The following HTR3A variants were observed in gnomAD, a reference collection of about 807,000 sequenced individuals.
HTR3A encodes 5-hydroxytryptamine receptor 3A, also known as 5-hydroxytryptamine (serotonin) receptor 3A, ionotropic.
In HTR3A, 45 loss-of-function variants were observed where a neutral mutation model predicts 54.8. The ratio of observed to expected loss-of-function variants is 0.82; its 90% CI spans 0.65 to 1.05. HTR3A has a LOEUF of 1.05. Among genes scored for constraint, HTR3A ranks in the 50% least tolerant of loss-of-function variants. HTR3A has a pLI of 0.00. For missense variants in HTR3A, 657 were observed against 614.0 expected, an observed-to-expected ratio of 1.07 and a Z score of -0.74; for synonymous variants, 297 against 256.0, an observed-to-expected ratio of 1.16 and a Z score of -1.53.
In HTR3A at chr11:113,975,345, A is replaced by G. The variant is rs750326169; in HGVS notation, c.20A>G (p.Gln7Arg). MLLWVQ[Q>R]ALLALLLPTL... ...CTCGCTATGCTGCTGTGGGTCCAGC[A>G]GGCGCTGCTCGCCTTGCTCCTCCCC... Residue 7 changes from glutamine to arginine, a missense_variant, in exon 1 of 9, where the codon CAG (glutamine) becomes CGG (arginine). Physicochemically the swap from Gln to Arg is conservative, Grantham distance 43. Coordinates refer to ENST00000504030, the MANE Select transcript of HTR3A (RefSeq NM_000869.6). 6.2e-7 allele frequency: 1 copy of G among 1,613,474 alleles called. No homozygotes were observed. Among genetic ancestry groups the G allele is most frequent in the Non-Finnish European group, 8.5e-7 (1 of 1,180,018 alleles).
chr11:113,976,564 A>G (rs1950352827), intron 1 of HTR3A, among the ~76,000 whole-genome samples: 1 of 104,868 alleles, frequency 9.5e-6, no homozygotes, highest in African/African-American at 3.4e-5. Flanking sequence ...GACACTTAAA[A>G]AATAGTTTGT....
intron 8 of HTR3A, among the ~76,000 whole-genome samples, chr11:113,988,831 T>C (rs1950520864): frequency 6.6e-6 from 1 of 152,160 alleles, no homozygotes; most frequent in African/African-American, 2.4e-5. Flanking sequence ...CTGCCTCTTT[T>C]GTGAGGCTAT....
At chr11:113,979,165 G>T (rs1950390661) in intron 2 of HTR3A, 68 bp from the exon 3 acceptor site, 3 of 1,204,892 alleles carry the variant, frequency 2.5e-6, no homozygotes, top group South Asian at 2.4e-5. Context: ...CTCCTTTAGG[G>T]GCTGGCATGT....
chr11:113,981,266 A>T lies in HTR3A; in HGVS notation c.328A>T (p.Ile110Phe). 1 of 1,613,934 alleles carries T rather than the reference A, an allele frequency of 6.2e-7. No homozygotes were observed. The highest frequency in any genetic ancestry group is 8.5e-7 in the Non-Finnish European group (1 of 1,179,774). The change falls in exon 4 of 9, where the codon ATC becomes TTC. Residue 110 changes from isoleucine (I) to phenylalanine (F), a missense_variant. By Grantham distance (21) the Ile-to-Phe change is conservative (BLOSUM62 0). Coordinates refer to ENST00000504030, the MANE Select transcript of HTR3A (RefSeq NM_000869.6). The part of the protein sequence containing the change: ...EDFDNITKLS[I>F]PTDSIWVPDI... ...CTTTGACAACATCACCAAGTTGTCC[A>T]TCCCCACGGACAGCATCTGGGTCCC...
chr11:113,979,580 A>G (rs1950396824), intron 3 of HTR3A, among the ~76,000 whole-genome samples: 1 of 152,306 alleles, frequency 6.6e-6, no homozygotes, highest in Admixed American at 6.5e-5. Context: ...CTTCACTCTC[A>G]GCCAGCTCTG....
In HTR3A at chr11:113,989,785, AG is replaced by A. The variant is rs3832782; in HGVS notation, c.*27del. On this transcript the variant is annotated 3_prime_UTR_variant, in exon 9 of 9. Transcript: ENST00000504030. This position sits in a 1 kb window ranked among gnomAD's most constrained non-coding sequence, Gnocchi z 4.4. Reference sequence around the variant, plus strand: ...TTGAGTGGGTACAGCCCAGTGGAGGAGGGGGTACAGTCCTGGTTAGGTGGGG... The same window carrying A: ...TTGAGTGGGTACAGCCCAGTGGAGGAGGGGTACAGTCCTGGTTAGGTGGGG... The A allele has an allele frequency of 1.4e-4, 232 of 1,604,148 alleles. 2 individuals are homozygous for A. The East Asian group carries it at 5.0e-3, about 35-fold the overall frequency.
chr11:113,980,045 G>A (rs892034486), intron 3 of HTR3A, among the ~76,000 whole-genome samples: 1 of 152,204 alleles, frequency 6.6e-6, no homozygotes, highest in African/African-American at 2.4e-5. Context: ...GCGTGGGGTA[G>A]AGGAAGAAGC....
At position 113,990,034 on chromosome 11, in the gene HTR3A, A is replaced by G. The variant is rs1950533943; in HGVS notation, c.*271A>G. ...TTAAAACATGCTGTCTTAGATCAGG[A>G]GAAACTCGGGCACTCCCTAAGTCCA... On this transcript the variant is annotated 3_prime_UTR_variant, in exon 9 of 9. Coordinates refer to ENST00000504030, the MANE Select transcript of HTR3A (RefSeq NM_000869.6). 2 of 620,432 alleles carry G rather than the reference A, an allele frequency of 3.2e-6. No homozygotes were observed. The highest frequency in any genetic ancestry group is 3.4e-5 in the East Asian group (1 of 29,314). 38.4% of individuals were successfully genotyped at this position (620,432 alleles called of 1,614,324 possible). A position where few individuals can be genotyped will look rare whatever the true frequency, so the allele number is the denominator to read the frequency against.
Position 113,975,283 on chromosome 11 carries a change from G to T in HTR3A, c.-43G>T, listed in dbSNP as rs576644184. On this transcript the variant is annotated 5_prime_UTR_variant, in exon 1 of 9. Transcript: ENST00000504030. ...GGCAAGCTGGCCCTTGGTGGGCCTC[G>T]TCCTGAGCACTCGGAGGCACTCCTA... 1.9e-6 allele frequency: 3 copies of T among 1,607,658 alleles called. No homozygotes were observed. Among genetic ancestry groups the T allele is most frequent in the Non-Finnish European group, 2.5e-6 (3 of 1,176,526 alleles).
Position 113,986,891 on chromosome 11 carries a change from G to T in HTR3A, c.983G>T (p.Arg328Leu), listed in dbSNP as rs540212344. 1 of 1,614,124 alleles carries T rather than the reference G, an allele frequency of 6.2e-7. No homozygotes were observed. Among genetic ancestry groups the T allele is most frequent in the Admixed American group, 1.7e-5 (1 of 60,014 alleles). Reference protein sequence around the residue: ...ISLAETIFIVRLVHKQDLQQP... With the variant: ...ISLAETIFIVLLVHKQDLQQP... ...TTGGCCGAGACCATCTTCATTGTGC[G>T]GCTGGTGCACAAGCAAGACCTGCAG... The change falls in exon 8 of 9, where the codon CGG becomes CTG. Residue 328 changes from arginine (R) to leucine (L), a missense_variant. Coordinates refer to ENST00000504030, the MANE Select transcript of HTR3A (RefSeq NM_000869.6).
At chr11:113,980,653 T>C (rs1050995661) in intron 3 of HTR3A, among the ~76,000 whole-genome samples, 1 of 152,198 alleles carries the variant, frequency 6.6e-6, no homozygotes, top group East Asian at 1.9e-4. Context: ...AATATGAGGC[T>C]AGAGGGATAG....
chr11:113,983,178 G>A lies in HTR3A; in HGVS notation c.433G>A (p.Val145Ile). ...PYVYIRHQGE[V>I]QNYKPLQVVT... is the part of the protein sequence containing the mutation. Reference sequence around the variant, plus strand: ...CGTGTATATTCGGCATCAAGGCGAAGTTCAGAACTACAAGCCCCTTCAGGT... The same window carrying A: ...CGTGTATATTCGGCATCAAGGCGAAATTCAGAACTACAAGCCCCTTCAGGT... Residue 145 changes from valine (V) to isoleucine (I), a missense_variant, in exon 5 of 9, where the codon GTT becomes ATT. Val to Ile is a conservative substitution (Grantham distance 29). Transcript: ENST00000504030. The A allele has an allele frequency of 1.9e-6, 3 of 1,614,220 alleles. No homozygotes were observed. The highest frequency in any genetic ancestry group is 2.5e-6 in the Non-Finnish European group (3 of 1,180,030).
In HTR3A at chr11:113,989,931, G is replaced by T. The variant is rs1222936496; in HGVS notation, c.*168G>T. On this transcript the variant is annotated 3_prime_UTR_variant, in exon 9 of 9. Coordinates refer to ENST00000504030, the MANE Select transcript of HTR3A (RefSeq NM_000869.6). This position sits in a 1 kb window ranked among gnomAD's most constrained non-coding sequence, Gnocchi z 4.4. The stretch of plus-strand genomic sequence containing the variant: ...ATTCATCTCAGCAATCACAAGCCAA[G>T]GTCTGAACCCTTCCACCAAAAACTG... The T allele has an allele frequency of 1.2e-6, 1 of 819,306 alleles. No individual in the cohort carries two copies. The highest frequency in any genetic ancestry group is 2.0e-6 in the Non-Finnish European group (1 of 493,340). 50.8% of individuals were successfully genotyped at this position (819,306 alleles called of 1,614,324 possible).
At chr11:113,987,158 T>G in intron 8 of HTR3A, 112 bp downstream of exon 8, 4 of 1,135,106 alleles carry the variant, frequency 3.5e-6, no homozygotes, top group Non-Finnish European at 5.2e-6. Flanking sequence ...GCACATGGCA[T>G]CCCATGCCCT....
At chr11:113,976,150 G>T (rs1150222) in intron 1 of HTR3A, among the ~76,000 whole-genome samples, 20,676 of 152,166 alleles carry the variant, frequency 0.14, 1,595 homozygotes, top group Non-Finnish European at 0.15. Context: ...TCCAGGGGTT[G>T]GACAGACGTG....
intron 8 of HTR3A, among the ~76,000 whole-genome samples, chr11:113,988,082 CT>C (rs1456848029): frequency 6.6e-6 from 1 of 152,228 alleles, no homozygotes; most frequent in African/African-American, 2.4e-5. Context: ...TGACTCTAAG[CT>C]TCTCTTTCTA....
At chr11:113,978,688 G>A (rs1950384970) in intron 2 of HTR3A, among the ~76,000 whole-genome samples, 3 of 152,164 alleles carry the variant, frequency 2.0e-5, no homozygotes, top group South Asian at 2.1e-4. Flanking sequence ...TATATTAGAA[G>A]TTGAAACATA....
At chr11:113,976,246 T>C (rs1950349732) in intron 1 of HTR3A, among the ~76,000 whole-genome samples, 1 of 152,138 alleles carries the variant, frequency 6.6e-6, no homozygotes, top group African/African-American at 2.4e-5. Context: ...CTGTAAGTGA[T>C]GACTGTGGTC....
chr11:113,983,172 G>A lies in HTR3A; in HGVS notation c.427G>A (p.Gly143Ser). The change falls in exon 5 of 9, where the codon GGC becomes AGC. Residue 143 changes from glycine to serine, a missense_variant. By Grantham distance (56) the Gly-to-Ser change is moderately conservative. Transcript: ENST00000504030. ...NIPYVYIRHQ[G>S]EVQNYKPLQV... Reference sequence around the variant, plus strand: ...CCCGTACGTGTATATTCGGCATCAAGGCGAAGTTCAGAACTACAAGCCCCT... The same window carrying A: ...CCCGTACGTGTATATTCGGCATCAAAGCGAAGTTCAGAACTACAAGCCCCT... The A allele has an allele frequency of 6.2e-7, 1 of 1,614,194 alleles. No individual in the cohort carries two copies. Among genetic ancestry groups the A allele is most frequent in the Non-Finnish European group, 8.5e-7 (1 of 1,180,036 alleles).
Sources: gnomAD v4.1 joint callset for allele counts (sites outside exome capture counted in the v4.1 genomes callset) on GRCh38, gnomAD v4.1.1 for gene constraint, Gnocchi (gnomAD v3.1) non-coding constraint, MANE v1.5 for transcripts, NCBI Gene and HGNC (gene_info 2026-07-23, HGNC 2026-07-21) for gene names.